SLC1A2: variants seen among roughly 807,000 people sequenced by gnomAD.
The protein encoded by SLC1A2 is solute carrier family 1 member 2, also known as excitatory amino acid transporter 2.
Under a neutral mutation model 48.8 loss-of-function variants are expected in SLC1A2, and 15 were observed. The ratio of observed to expected loss-of-function variants is 0.31; its 90% confidence interval spans 0.21 to 0.47. The LOEUF is 0.47. Among genes scored for constraint, SLC1A2 ranks in the 20% least tolerant of loss-of-function variants. The pLI, the probability that SLC1A2 is intolerant of heterozygous loss-of-function variation, is 0.99. For synonymous variants in SLC1A2, 279 were observed against 272.6 expected, an observed-to-expected ratio of 1.02 and a Z score of -0.23; for missense variants, 502 against 730.5, an observed-to-expected ratio of 0.69 and a Z score of 3.61.
At chr11:35,405,303 A>G (rs1443553034) in intron 1 of SLC1A2, among the ~76,000 whole-genome samples, 2 of 152,224 alleles carry the variant, frequency 1.3e-5, no homozygotes, top group African/African-American at 2.4e-5. Context: ...AGGGAACTCT[A>G]TTGAGACTGA....
chr11:35,290,239 C>A (rs1850953342), intron 7 of SLC1A2, among the ~76,000 whole-genome samples: 3 of 152,286 alleles, frequency 2.0e-5, no homozygotes, highest in Admixed American at 2.0e-4. Flanking sequence ...CATCATACAA[C>A]CTTGCAGAGA....
intron 1 of SLC1A2, among the ~76,000 whole-genome samples, chr11:35,336,398 C>T (rs1852633807): frequency 6.6e-6 from 1 of 152,114 alleles, no homozygotes; most frequent in South Asian, 2.1e-4. Flanking sequence ...GAAGGTGACC[C>T]AATCAGCTCA....
intron 9 of SLC1A2, among the ~76,000 whole-genome samples, chr11:35,272,363 G>T (rs986957647): frequency 1.3e-5 from 2 of 152,212 alleles, no homozygotes; most frequent in Admixed American, 6.5e-5. Context: ...CTGTCAATTT[G>T]GATTAAACTA....
chr11:35,369,151 G>A (rs1043403500), intron 1 of SLC1A2, among the ~76,000 whole-genome samples: 1 of 152,154 alleles, frequency 6.6e-6, no homozygotes, highest in Admixed American at 6.5e-5. Flanking sequence ...ATCAAGTCCT[G>A]CTCTGGAGTG....
At chr11:35,402,797 C>T (rs916392612) in intron 1 of SLC1A2, among the ~76,000 whole-genome samples, 3 of 152,266 alleles carry the variant, frequency 2.0e-5, no homozygotes, top group South Asian at 2.1e-4. Context: ...AAAGACACCA[C>T]GCATTTGGAG....
chr11:35,327,436 C>T (rs532632312), intron 1 of SLC1A2, among the ~76,000 whole-genome samples: 1 of 152,264 alleles, frequency 6.6e-6, no homozygotes, highest in South Asian at 2.1e-4. Flanking sequence ...TCAGATGAGG[C>T]AAAACAGCGG....
At chr11:35,386,360 T>A (rs1233177385) in intron 1 of SLC1A2, among the ~76,000 whole-genome samples, 1 of 152,140 alleles carries the variant, frequency 6.6e-6, no homozygotes, top group East Asian at 1.9e-4. Flanking sequence ...AAAAAAGATG[T>A]CATTTAAAAT....
At position 35,292,531 on chromosome 11, in the gene SLC1A2, C is replaced by T. The variant is rs1350955201; in HGVS notation, c.858-11G>A. 1.3e-6 allele frequency: 2 copies of T among 1,568,818 alleles called. No homozygotes were observed. Among genetic ancestry groups the T allele is most frequent in the South Asian group, 2.2e-5 (2 of 89,718 alleles). ...CCCAGGGGAGAGTACCTGAAAAACA[C>T]AAAAGGGAAAAACAGCATTGAAGAG... On this transcript the variant is annotated splice_polypyrimidine_tract_variant and intron_variant, in intron 6 of 10. Coordinates refer to ENST00000278379, the MANE Select transcript of SLC1A2 (RefSeq NM_004171.4).
chr11:35,410,429 C>A (rs564850817), intron 1 of SLC1A2, among the ~76,000 whole-genome samples: 2 of 152,168 alleles, frequency 1.3e-5, no homozygotes, highest in East Asian at 3.9e-4. Flanking sequence ...CAAGGTATAG[C>A]ATTTTATTAC....
chr11:35,357,041 A>C (rs1425177049), intron 1 of SLC1A2, among the ~76,000 whole-genome samples: 1 of 152,100 alleles, frequency 6.6e-6, no homozygotes, highest in East Asian at 1.9e-4. Flanking sequence ...GGAGATCGAG[A>C]CCATCCTATC....
intron 1 of SLC1A2, among the ~76,000 whole-genome samples, chr11:35,397,253 G>T (rs1489748054): frequency 1.3e-5 from 2 of 148,374 alleles, no homozygotes; most frequent in Non-Finnish European, 3.0e-5. Context: ...AAAGCCGGAG[G>T]CATCACGCTA....
At chr11:35,317,589 A>G in intron 1 of SLC1A2, 73 bp from the exon 2 acceptor site, 2 of 1,525,114 alleles carry the variant, frequency 1.3e-6, no homozygotes, top group Non-Finnish European at 1.8e-6. Flanking sequence ...CTCGACTAGT[A>G]GGAACCTCTC....
Position 35,260,891 on chromosome 11 carries a change from T to C in SLC1A2, c.*3A>G, listed in dbSNP as rs1197163811. On this transcript the variant is annotated 3_prime_UTR_variant, in exon 11 of 11. Transcript: ENST00000278379. The stretch of plus-strand genomic sequence containing the variant: ...ATTCAAGAATTTGCTGAGACTCATA[T>C]CCTTATTTCTCACGTTTCCAAGGTT... 1 of 1,607,314 alleles carries C rather than the reference T, an allele frequency of 6.2e-7. No homozygotes were observed. The highest frequency in any genetic ancestry group is 1.3e-5 in the African/African-American group (1 of 74,784).
intron 1 of SLC1A2, among the ~76,000 whole-genome samples, chr11:35,396,626 T>C (rs1254079454): frequency 6.6e-6 from 1 of 152,166 alleles, no homozygotes; most frequent in African/African-American, 2.4e-5. Context: ...ATTTTTTAGG[T>C]TGCCTGTTCA....
At chr11:35,276,549 C>T (rs556264882) in intron 9 of SLC1A2, among the ~76,000 whole-genome samples, 18 of 152,140 alleles carry the variant, frequency 1.2e-4, no homozygotes, top group Non-Finnish European at 2.2e-4. Context: ...AGCATGTGAG[C>T]ACCTGCATGG....
chr11:35,265,746 T>C lies in SLC1A2; in HGVS notation c.1434A>G (p.Arg478=). The change falls in exon 10 of 11, where the codon AGA becomes AGG. Residue 478 remains arginine (R), a synonymous_variant. Coordinates refer to ENST00000278379, the MANE Select transcript of SLC1A2 (RefSeq NM_004171.4). ...AGTCACCCACAACATTGACTGAAGTTCTCATCCTGTCCCTGGGGACAAAGA... is the reference window on the plus strand; with the variant it reads ...AGTCACCCACAACATTGACTGAAGTCCTCATCCTGTCCCTGGGGACAAAGA... The part of the protein sequence containing the change: ...VAVDWLLDRM[R]TSVNVVGDSF... The C allele has an allele frequency of 6.2e-7, 1 of 1,609,486 alleles. No individual in the cohort carries two copies. The highest frequency in any genetic ancestry group is 8.5e-7 in the Non-Finnish European group (1 of 1,175,970).
upstream of SLC1A2, chr11:35,419,983 C>A (rs1201175389): frequency 6.4e-6 from 3 of 467,898 alleles, no homozygotes; most frequent in South Asian, 4.7e-5. This position sits in a 1 kb window ranked among gnomAD's most constrained non-coding sequence, Gnocchi z 5.4. Context: ...AGTCGAGCGG[C>A]TGAAACACGC....
chr11:35,357,817 G>A lies in SLC1A2; in HGVS notation c.18-40301C>T, dbSNP rs182556529. On this transcript the variant is annotated intron_variant, in intron 1 of 10. Coordinates refer to ENST00000278379, the MANE Select transcript of SLC1A2 (RefSeq NM_004171.4). The stretch of plus-strand genomic sequence containing the variant: ...AAGAATTTAAAATAAGAATTTTATA[G>A]TATATTAAAATGGTTTAAGTTCTTT... Among the ~76,000 whole-genome samples the A allele has an allele frequency of 6.2e-3, 949 of 152,252 alleles. 9 individuals carry two copies. The highest frequency in any genetic ancestry group is 0.016 in the South Asian group (77 of 4,828).
intron 1 of SLC1A2, among the ~76,000 whole-genome samples, chr11:35,325,300 T>A (rs983460935): frequency 6.6e-6 from 1 of 152,232 alleles, no homozygotes; most frequent in South Asian, 2.1e-4. Flanking sequence ...AGGAAGCCTT[T>A]GATGACTCCC....
Sources: allele counts gnomAD v4.1 joint callset (sites outside exome capture counted in the v4.1 genomes callset), GRCh38; gene constraint gnomAD v4.1.1; non-coding constraint Gnocchi (gnomAD v3.1); transcripts MANE v1.5; gene names NCBI Gene and HGNC (gene_info 2026-07-23, HGNC 2026-07-21).